Variants in DHRSX observed in about 807,000 individuals in gnomAD.
The protein encoded by DHRSX is dehydrogenase/reductase X-linked.
Under a neutral mutation model 34.0 loss-of-function variants are expected in DHRSX, and 31 were observed. That is an observed-to-expected ratio of 0.91 (90% CI 0.69 to 1.23). The LOEUF is 1.23. Ranked by LOEUF, DHRSX falls within the 50% of genes most tolerant of loss-of-function variation. The pLI, the probability that DHRSX is intolerant of heterozygous loss-of-function variation, is 0.00. For missense variants in DHRSX, 414 were observed against 428.1 expected, an observed-to-expected ratio of 0.97 and a Z score of 0.29; for synonymous variants, 201 against 183.8, an observed-to-expected ratio of 1.09 and a Z score of -0.76.
chrX:2,379,693 C>T (rs1172805310), intron 3 of DHRSX, among the ~76,000 whole-genome samples: 2 of 148,702 alleles, frequency 1.3e-5, no homozygotes, highest in East Asian at 2.0e-4. Flanking sequence ...CATGAAGGAC[C>T]CTGTCAGTGT....
chrX:2,347,731 A>G (rs1181871290), intron 3 of DHRSX, among the ~76,000 whole-genome samples: 2 of 152,152 alleles, frequency 1.3e-5, no homozygotes, highest in African/African-American at 4.8e-5. Flanking sequence ...GAGCCAAACC[A>G]TATGAGATGT....
rs868065514 is a variant in DHRSX, at chrX:2,393,769, G to A, written c.286+14976C>T. Among the ~76,000 whole-genome samples the A allele has an allele frequency of 3.2e-3, 141 of 43,830 alleles. 29 individuals carry two copies. Among genetic ancestry groups the A allele is most frequent in the South Asian group, 0.018 (19 of 1,056 alleles). 28.8% of individuals were successfully genotyped at this position (43,830 alleles called of 152,430 possible). A position where few individuals can be genotyped will look rare whatever the true frequency, so the allele number is the denominator to read the frequency against. ...CACACAGGGACCTCCCCATCTCCTG[G>A]GCACACAACACCCAGGGACCTCCCT... On this transcript the variant is annotated intron_variant, in intron 3 of 6. Coordinates refer to ENST00000334651, the MANE Select transcript of DHRSX (RefSeq NM_145177.3).
chrX:2,360,693 C>T lies in DHRSX; in HGVS notation c.286+48052G>A, dbSNP rs185373072. Among the ~76,000 whole-genome samples, 96 of 152,034 alleles carry T rather than the reference C, an allele frequency of 6.3e-4. 2 individuals are homozygous for T. Among genetic ancestry groups the T allele is most frequent in the East Asian group, 3.1e-3 (16 of 5,170 alleles). On this transcript the variant is annotated intron_variant, in intron 3 of 6. Coordinates refer to ENST00000334651, the MANE Select transcript of DHRSX (RefSeq NM_145177.3). ...TAGGATGGTAATGGAGCCAGGTTAT[C>T]GCCAAGTTTGGTAAGAACATCCTTG...
At chrX:2,346,277 C>T (rs1300740873) in intron 3 of DHRSX, among the ~76,000 whole-genome samples, 1 of 151,986 alleles carries the variant, frequency 6.6e-6, no homozygotes, top group Non-Finnish European at 1.5e-5. Context: ...TACCATCTTC[C>T]CCTGACTGTG....
chrX:2,301,950 A>C (rs1190907898), intron 3 of DHRSX, among the ~76,000 whole-genome samples: 1 of 152,002 alleles, frequency 6.6e-6, no homozygotes, highest in East Asian at 1.9e-4. Context: ...CTAGCTCTTG[A>C]TGACATACTC....
At chrX:2,468,822 A>G (rs1360349892) in intron 1 of DHRSX, among the ~76,000 whole-genome samples, 1 of 151,800 alleles carries the variant, frequency 6.6e-6, no homozygotes, top group Non-Finnish European at 1.5e-5. Flanking sequence ...TGCCATGTAC[A>G]CACTGAAGAC....
chrX:2,434,192 G>T lies in DHRSX; in HGVS notation c.110-8888C>A, dbSNP rs141116126. On this transcript the variant is annotated intron_variant, in intron 1 of 6. Coordinates refer to ENST00000334651, the MANE Select transcript of DHRSX (RefSeq NM_145177.3). Reference sequence around the variant, plus strand: ...AGCATATGAAACAAAGTTCAGTCTCGCTGACAATGAAATAATGAATAAAGC... The same window carrying T: ...AGCATATGAAACAAAGTTCAGTCTCTCTGACAATGAAATAATGAATAAAGC... 2.2e-3 allele frequency among the ~76,000 whole-genome samples: 329 copies of T among 152,236 alleles called. 1 individual carries two copies. Among genetic ancestry groups the T allele is most frequent in the African/African-American group, 7.5e-3 (311 of 41,556 alleles).
chrX:2,327,245 G>A (rs2042398314), intron 3 of DHRSX, among the ~76,000 whole-genome samples: 1 of 152,220 alleles, frequency 6.6e-6, no homozygotes, highest in Non-Finnish European at 1.5e-5. Flanking sequence ...CAGTGAAGAA[G>A]AGTCTCCCTG....
At chrX:2,478,189 G>A (rs1312477673) in intron 1 of DHRSX, among the ~76,000 whole-genome samples, 2 of 152,148 alleles carry the variant, frequency 1.3e-5, no homozygotes, top group African/African-American at 2.4e-5. Flanking sequence ...GAATGAATGC[G>A]GTCAGCACGG....
At chrX:2,359,523 CAA>C in intron 3 of DHRSX, among the ~76,000 whole-genome samples, 1 of 151,770 alleles carries the variant, frequency 6.6e-6, no homozygotes, top group East Asian at 1.9e-4. Flanking sequence ...ACTAAAAATA[CAA>C]AAAAATTAGC....
chrX:2,283,756 T>C (rs2041763540), intron 4 of DHRSX, among the ~76,000 whole-genome samples: 1 of 152,256 alleles, frequency 6.6e-6, no homozygotes, highest in Admixed American at 6.5e-5. Flanking sequence ...TTCATTCATT[T>C]GATTCCATTC....
intron 6 of DHRSX, among the ~76,000 whole-genome samples, chrX:2,225,868 C>T (rs2124396435): frequency 6.6e-6 from 1 of 152,086 alleles, no homozygotes; most frequent in East Asian, 1.9e-4. Context: ...TTATAAGCCA[C>T]CCAGTCTATG....
chrX:2,310,826 C>T (rs2042155372), intron 3 of DHRSX, among the ~76,000 whole-genome samples: 1 of 151,570 alleles, frequency 6.6e-6, no homozygotes. Context: ...TTTGGGAGGC[C>T]GAGGCGGGTG....
At chrX:2,460,952 C>G (rs1161769647) in intron 1 of DHRSX, among the ~76,000 whole-genome samples, 4 of 152,162 alleles carry the variant, frequency 2.6e-5, no homozygotes, top group Admixed American at 6.5e-5. Flanking sequence ...CTCCTGGTCT[C>G]AAAAATCATC....
At chrX:2,344,872 C>CATAT (rs775259345) in intron 3 of DHRSX, among the ~76,000 whole-genome samples, 1,195 of 98,116 alleles carry the variant, frequency 0.012, 14 homozygotes, top group East Asian at 0.024. Context: ...TAAAAAGAAG[C>CATAT]ATATATATAT....
intron 4 of DHRSX, among the ~76,000 whole-genome samples, chrX:2,290,604 C>G (rs1258111288): frequency 5.3e-5 from 8 of 152,200 alleles, no homozygotes; most frequent in Non-Finnish European, 7.3e-5. Flanking sequence ...AATGTGCTGT[C>G]TTTATGGGCT....
At chrX:2,233,312 G>C (rs1317810155) in intron 6 of DHRSX, among the ~76,000 whole-genome samples, 2 of 151,968 alleles carry the variant, frequency 1.3e-5, no homozygotes, top group Non-Finnish European at 2.9e-5. Context: ...GAATACACAA[G>C]ACGGTCCTGT....
rs184264663 is a variant in DHRSX, at chrX:2,440,538, T to C, written c.110-15234A>G. Among the ~76,000 whole-genome samples, 623 of 151,550 alleles carry C rather than the reference T, an allele frequency of 4.1e-3. 19 individuals are homozygous for C. The East Asian group carries it at 0.079, about 19-fold the overall frequency. On this transcript the variant is annotated intron_variant, in intron 1 of 6. Transcript: ENST00000334651. Reference sequence around the variant, plus strand: ...TTTAAATGTTTTTCTTTCTTTCTTTTTTTTTTTGAAACGGAGTCTCGCTCT... The same window carrying C: ...TTTAAATGTTTTTCTTTCTTTCTTTCTTTTTTTGAAACGGAGTCTCGCTCT...
intron 6 of DHRSX, among the ~76,000 whole-genome samples, chrX:2,241,822 C>T (rs1440170983): frequency 2.0e-5 from 3 of 152,054 alleles, no homozygotes; most frequent in East Asian, 3.9e-4. Flanking sequence ...GCAGGAGAAT[C>T]GCTTGAACCC....
Sources: allele counts gnomAD v4.1 joint callset (sites outside exome capture counted in the v4.1 genomes callset), GRCh38; gene constraint gnomAD v4.1.1; transcripts MANE v1.5; gene names NCBI Gene and HGNC (gene_info 2026-07-23, HGNC 2026-07-21).